TACC2: variants seen among roughly 807,000 people sequenced by gnomAD.
The protein encoded by TACC2 is transforming acidic coiled-coil-containing protein 2.
In TACC2, 137 loss-of-function variants were observed where a neutral mutation model predicts 227.3. The observed-to-expected ratio is 0.60, with a 90% CI of 0.52 to 0.69. TACC2 has a LOEUF of 0.69. Ranked by LOEUF, TACC2 falls within the 30% of genes least tolerant of loss-of-function variation. TACC2 has a pLI of 0.00. For missense variants in TACC2, 3,470 were observed against 3,694.4 expected, an observed-to-expected ratio of 0.94 and a Z score of 1.57; for synonymous variants, 1,523 against 1,487.5, an observed-to-expected ratio of 1.02 and a Z score of -0.55.
chr10:122,056,560 C>T (rs115768740), intron 3 of TACC2, among the ~76,000 whole-genome samples: 6 of 152,154 alleles, frequency 3.9e-5, no homozygotes, highest in Admixed American at 1.3e-4. Context: ...TTCTGCCACG[C>T]GGCTGTGTGA....
intron 2 of TACC2, chr10:122,033,171 G>C (rs751694697): frequency 3.7e-5 from 48 of 1,287,018 alleles, no homozygotes; most frequent in Middle Eastern, 4.2e-4. Flanking sequence ...GGAATGTGCT[G>C]TTCTGCATGG....
chr10:122,123,524 G>C (rs2086239901), intron 5 of TACC2, among the ~76,000 whole-genome samples: 1 of 152,212 alleles, frequency 6.6e-6, no homozygotes, highest in Non-Finnish European at 1.5e-5. Flanking sequence ...GAATGCCAAG[G>C]GTGGCTCTGA....
At chr10:122,167,655 C>G (rs1326043633) in intron 7 of TACC2, among the ~76,000 whole-genome samples, 3 of 152,110 alleles carry the variant, frequency 2.0e-5, no homozygotes. Context: ...TCTTTGGGAG[C>G]TGTAGAGAAA....
At chr10:122,200,851 C>T (rs1247131494) in intron 8 of TACC2, among the ~76,000 whole-genome samples, 11 of 145,546 alleles carry the variant, frequency 7.6e-5, no homozygotes, top group African/African-American at 2.6e-4. Flanking sequence ...GAGAGGATGG[C>T]GACCTCACCT....
At chr10:122,097,916 C>A (rs564833576) in intron 5 of TACC2, among the ~76,000 whole-genome samples, 1 of 152,260 alleles carries the variant, frequency 6.6e-6, no homozygotes, top group African/African-American at 2.4e-5. Context: ...AATGTGCACC[C>A]AAGCCAGGCA....
chr10:122,224,106 C>T (rs538591144), intron 11 of TACC2, among the ~76,000 whole-genome samples: 1 of 152,334 alleles, frequency 6.6e-6, no homozygotes, highest in African/African-American at 2.4e-5. Flanking sequence ...TGAAACAGGT[C>T]ATTTCTCCAC....
At position 122,210,708 on chromosome 10, in the gene TACC2, G is replaced by T; in HGVS notation, c.6283G>T (p.Asp2095Tyr). ...RSLSLQASDF[D>Y]GASSSGNPEA... Reference sequence around the variant, plus strand: ...GCTCAGCCTGCAAGCCAGTGACTTTGATGGTGCTTCTTCCTCAGGCAATCC... The same window carrying T: ...GCTCAGCCTGCAAGCCAGTGACTTTTATGGTGCTTCTTCCTCAGGCAATCC... The change falls in exon 9 of 23, where the codon GAT becomes TAT. Residue 2095 changes from aspartate (D) to tyrosine (Y), a missense_variant. This residue lies in a region of TACC2 where 593 missense variants were observed against 636.6 expected (regional missense o/e 0.93). Coordinates refer to ENST00000369005, the MANE Select transcript of TACC2 (RefSeq NM_206862.4). The surrounding 1 kb of genome is among the most constrained non-coding windows in gnomAD (Gnocchi z 4.6). The T allele has an allele frequency of 6.2e-7, 1 of 1,614,124 alleles. No individual in the cohort carries two copies. Among genetic ancestry groups the T allele is most frequent in the Non-Finnish European group, 8.5e-7 (1 of 1,180,026 alleles).
intron 5 of TACC2, among the ~76,000 whole-genome samples, chr10:122,129,245 A>T (rs1363259335): frequency 2.0e-5 from 3 of 151,860 alleles, no homozygotes; most frequent in African/African-American, 7.3e-5. Context: ...TTTAGTAGAG[A>T]CGGGGTTTCA....
intron 2 of TACC2, among the ~76,000 whole-genome samples, chr10:122,024,258 CAGGATGCTG>C (rs1396732293): frequency 6.6e-6 from 1 of 152,014 alleles, no homozygotes; most frequent in African/African-American, 2.4e-5. Flanking sequence ...CCTCACTACT[CAGGATGCTG>C]AGGTGGGAGG....
At chr10:122,003,770 C>T (rs1387368651) in intron 1 of TACC2, among the ~76,000 whole-genome samples, 1 of 152,030 alleles carries the variant, frequency 6.6e-6, no homozygotes, top group Non-Finnish European at 1.5e-5. Context: ...ATTCTCCTGC[C>T]TCAGCCTCCC....
In TACC2 at chr10:121,989,337, C is replaced by CT. The variant is rs1455550811; in HGVS notation, c.-191dup. The CT allele has an allele frequency of 3.9e-5, 6 of 152,226 alleles. No individual in the cohort carries two copies. The highest frequency in any genetic ancestry group is 2.6e-4 in the Admixed American group (4 of 15,280). The allele number at this position is 152,226 out of a possible 1,614,324, so 9.4% of individuals were successfully genotyped here. Reference sequence around the variant, plus strand: ...TACTTCCTTTCATTCCTCTCTAAAACTTTTTTAAAAACTTTCACTCCTGCT... The same window carrying CT: ...TACTTCCTTTCATTCCTCTCTAAAACTTTTTTTAAAAACTTTCACTCCTGCT... On this transcript the variant is annotated 5_prime_UTR_variant, in exon 1 of 23. Coordinates refer to ENST00000369005, the MANE Select transcript of TACC2 (RefSeq NM_206862.4).
chr10:122,216,869 G>A (rs753328740), intron 11 of TACC2, 41 bp downstream of exon 11: 9 of 1,614,028 alleles, frequency 5.6e-6, no homozygotes, highest in East Asian at 4.5e-5. Context: ...ACTCTGCCTC[G>A]GAGAATCCTG....
At chr10:122,142,096 G>A (rs1004310000) in intron 6 of TACC2, among the ~76,000 whole-genome samples, 10 of 152,228 alleles carry the variant, frequency 6.6e-5, no homozygotes, top group Admixed American at 2.0e-4. Context: ...AATCCACTTT[G>A]CTGTTTTGCT....
intron 2 of TACC2, among the ~76,000 whole-genome samples, chr10:122,028,085 T>TTC (rs1554967447): frequency 1.8e-5 from 1 of 57,056 alleles, no homozygotes; most frequent in Non-Finnish European, 3.1e-5. Context: ...TCTTTCTTTC[T>TTC]TTTTTTTTTT....
rs2091942910 is a variant in TACC2 at position 122,150,653 on chromosome 10, G to A, written c.5834+6947G>A. Reference sequence around the variant, plus strand: ...AGGGAGGCAGGGCCCAGGGAGGTGGGGTAGGATGGGATATGGTACGAGCAT... The same window carrying A: ...AGGGAGGCAGGGCCCAGGGAGGTGGAGTAGGATGGGATATGGTACGAGCAT... On this transcript the variant is annotated intron_variant, in intron 7 of 22. Transcript: ENST00000369005. This position sits in a 1 kb window ranked among gnomAD's most constrained non-coding sequence, Gnocchi z 4.0. 6.6e-6 allele frequency among the ~76,000 whole-genome samples: 1 copy of A among 152,196 alleles called. No individual in the cohort carries two copies. The highest frequency in any genetic ancestry group is 2.4e-5 in the African/African-American group (1 of 41,456).
At chr10:122,174,007 C>T (rs990856780) in intron 7 of TACC2, among the ~76,000 whole-genome samples, 1 of 152,232 alleles carries the variant, frequency 6.6e-6, no homozygotes, top group African/African-American at 2.4e-5. Context: ...CAGCGGAGCT[C>T]TTCTGCCCGC....
In TACC2 at chr10:122,082,887, TGAA is replaced by T; in HGVS notation, c.390_392del (p.Glu130del). ...GCTTGGCAAGTCCAGCAGCGGCACCTGAAGATGGTCCTCAGACTCAGTCTCCCA... is the reference window on the plus strand; with the variant it reads ...GCTTGGCAAGTCCAGCAGCGGCACCTGATGGTCCTCAGACTCAGTCTCCCA... On this transcript the variant is annotated inframe_deletion, in exon 4 of 23. Coordinates refer to ENST00000369005, the MANE Select transcript of TACC2 (RefSeq NM_206862.4). 2 of 1,613,276 alleles carry T rather than the reference TGAA, an allele frequency of 1.2e-6. No individual in the cohort carries two copies. Among genetic ancestry groups the T allele is most frequent in the Non-Finnish European group, 1.7e-6 (2 of 1,180,000 alleles).
chr10:122,006,215 G>A (rs573158820), intron 1 of TACC2, among the ~76,000 whole-genome samples: 66 of 152,146 alleles, frequency 4.3e-4, no homozygotes, highest in Admixed American at 1.9e-3. Context: ...TTGGGAGGCC[G>A]AGGTGGGTGG....
chr10:122,147,748 T>C (rs939189358), intron 7 of TACC2, among the ~76,000 whole-genome samples: 1 of 152,202 alleles, frequency 6.6e-6, no homozygotes, highest in African/African-American at 2.4e-5. Context: ...GGGCTTTCTT[T>C]TAAGAGTGTC....
Sources: allele counts gnomAD v4.1 joint callset (sites outside exome capture counted in the v4.1 genomes callset), GRCh38; gene constraint gnomAD v4.1.1; regional missense constraint gnomAD v4.1.1; non-coding constraint Gnocchi (gnomAD v3.1); transcripts MANE v1.5; gene names NCBI Gene and HGNC (gene_info 2026-07-23, HGNC 2026-07-21).